Variants in CCT3 observed in about 807,000 individuals in gnomAD.
The protein encoded by CCT3 is T-complex protein 1 subunit gamma.
Under a neutral mutation model 65.3 loss-of-function variants are expected in CCT3, and 10 were observed. That is an observed-to-expected ratio of 0.15 (90% confidence interval 0.09 to 0.26). The LOEUF is 0.26. CCT3 is among the 10% of genes least tolerant of loss of function. The pLI is 1.00. For missense variants in CCT3, 626 were observed against 708.7 expected (o/e 0.88, Z 1.33); for synonymous variants, 225 against 242.3 (o/e 0.93, Z 0.66).
intron 2 of CCT3, chr1:156,335,611 C>A: frequency 2.0e-6 from 1 of 505,234 alleles, no homozygotes; most frequent in South Asian, 3.5e-5. Flanking sequence ...CAGAATAATG[C>A]ACAAGTTAAT....
chr1:156,333,396 T>C (rs1665196974), intron 5 of CCT3, 151 bp downstream of exon 5: 1 of 614,556 alleles, frequency 1.6e-6, no homozygotes, highest in South Asian at 2.0e-5. Flanking sequence ...ATATAAATGT[T>C]TTATACCCAA....
chr1:156,321,051 T>C (rs530717146), intron 6 of CCT3, 26 bp from the exon 7 acceptor site: 2 of 1,593,030 alleles, frequency 1.3e-6, no homozygotes, highest in South Asian at 2.2e-5. Flanking sequence ...CCAGACGATA[T>C]GTGAAGAAGG....
intron 5 of CCT3, among the ~76,000 whole-genome samples, chr1:156,327,867 C>A (rs1008705665): frequency 6.8e-6 from 1 of 147,512 alleles, no homozygotes. Context: ...GGCCGCCCAT[C>A]GTCTGGGATG....
chr1:156,319,998 T>G (rs1198989984), intron 7 of CCT3, among the ~76,000 whole-genome samples: 1 of 152,188 alleles, frequency 6.6e-6, no homozygotes, highest in African/African-American at 2.4e-5. Flanking sequence ...AAACCTTGTG[T>G]AGGGATAGCA....
intron 11 of CCT3, among the ~76,000 whole-genome samples, chr1:156,311,774 T>C (rs1288861806): frequency 6.6e-6 from 1 of 152,218 alleles, no homozygotes. Context: ...GAAAAAGTTC[T>C]GAAGATCTCT....
chr1:156,330,324 G>A (rs918170951), intron 5 of CCT3, among the ~76,000 whole-genome samples: 2 of 152,196 alleles, frequency 1.3e-5, no homozygotes, highest in Middle Eastern at 3.2e-3. Flanking sequence ...CTAGTTGACT[G>A]TGACTCTCAA....
At chr1:156,315,973 G>C (rs10494304) in intron 10 of CCT3, among the ~76,000 whole-genome samples, 36,618 of 151,764 alleles carry the variant, frequency 0.24, 4,920 homozygotes, top group Non-Finnish European at 0.29. Flanking sequence ...GTCTCCAGGC[G>C]AATAATAAAG....
At chr1:156,313,645 A>G (rs1201002834) in intron 10 of CCT3, among the ~76,000 whole-genome samples, 1 of 152,218 alleles carries the variant, frequency 6.6e-6, no homozygotes, top group Non-Finnish European at 1.5e-5. Context: ...GTACTTTTCC[A>G]GAAAGGGACT....
At chr1:156,334,372 G>A (rs915134518) in intron 4 of CCT3, among the ~76,000 whole-genome samples, 2 of 152,120 alleles carry the variant, frequency 1.3e-5, no homozygotes, top group Non-Finnish European at 2.9e-5. Context: ...TGGGCTCGAA[G>A]ACCAATCACC....
At chr1:156,327,522 A>T (rs1361938116) in intron 5 of CCT3, among the ~76,000 whole-genome samples, 1 of 152,164 alleles carries the variant, frequency 6.6e-6, no homozygotes, top group African/African-American at 2.4e-5. Context: ...CCAGCTCCTA[A>T]CCGCGAGTGA....
intron 7 of CCT3, among the ~76,000 whole-genome samples, chr1:156,319,867 G>A (rs1459039397): frequency 1.3e-5 from 2 of 152,112 alleles, no homozygotes; most frequent in Admixed American, 1.3e-4. Flanking sequence ...GCTTTCTGGG[G>A]CTTACTATTT....
At position 156,310,981 on chromosome 1, in the gene CCT3, G is replaced by A. The variant is rs1664062694; in HGVS notation, c.1370C>T (p.Ala457Val). The change falls in exon 12 of 14, where the codon GCC becomes GTC. Residue 457 changes from alanine to valine, a missense_variant. By Grantham distance (64) the Ala-to-Val change is moderately conservative. Transcript: ENST00000295688. ...IPRTLIQNCGASTIRLLTSLR... is the reference protein window; with the variant it reads ...IPRTLIQNCGVSTIRLLTSLR... ...GGAGGTAAGTAGACGGATGGTGCTG[G>A]CCCCACAGTTCTGGATCAGGGTACG... The A allele has an allele frequency of 7.4e-6, 12 of 1,614,174 alleles. No homozygotes were observed. The highest frequency in any genetic ancestry group is 1.6e-4 in the Middle Eastern group (1 of 6,062).
At chr1:156,326,242 C>T (rs1203505501) in intron 5 of CCT3, among the ~76,000 whole-genome samples, 8 of 151,982 alleles carry the variant, frequency 5.3e-5, no homozygotes, top group African/African-American at 1.9e-4. Context: ...GCTGGGAGGA[C>T]TCATTGAGCC....
chr1:156,325,229 A>G (rs1189022857), intron 5 of CCT3, 140 bp from the exon 6 acceptor site: 7 of 656,306 alleles, frequency 1.1e-5, no homozygotes, highest in Non-Finnish European at 1.9e-5. Context: ...TACTATTCCA[A>G]ATTCTACACA....
chr1:156,337,269 G>T, intron 1 of CCT3: 1 of 335,484 alleles, frequency 3.0e-6, no homozygotes, highest in Non-Finnish European at 5.7e-6. Flanking sequence ...TTAGCCGTGC[G>T]TGGTGGCGCG....
At position 156,319,189 on chromosome 1, in the gene CCT3, T is replaced by A. The variant is rs929928020; in HGVS notation, c.610-172A>T. ...GTGCAGTGGTGCAATCTCGGCTCAC[T>A]GCAAGCTCCGCCTCCCGGGTTCACG... On this transcript the variant is annotated intron_variant, in intron 7 of 13. Transcript: ENST00000295688. Among the ~76,000 whole-genome samples the A allele has an allele frequency of 1.5e-4, 23 of 151,068 alleles. 1 individual carries two copies. Among genetic ancestry groups the A allele is most frequent in the Admixed American group, 8.0e-4 (12 of 15,084 alleles).
chr1:156,338,272 C>G lies in CCT3; in HGVS notation c.-88G>C, dbSNP rs1665550678. 2 of 1,381,776 alleles carry G rather than the reference C, an allele frequency of 1.4e-6. No homozygotes were observed. The highest frequency in any genetic ancestry group is 2.0e-6 in the Non-Finnish European group (2 of 994,146). 85.6% of individuals were successfully genotyped at this position (1,381,776 alleles called of 1,614,324 possible). On this transcript the variant is annotated 5_prime_UTR_variant, in exon 1 of 14. Transcript: ENST00000295688. ...GAGAACCAGACAGAAGCCCAGAAAA[C>G]GCTGCCTCCTCAGGGCTTACACCTC...
In CCT3 at chr1:156,336,896, C is replaced by CT. The variant is rs151163562; in HGVS notation, c.32-1009dup. ...CTACAATCCATCAGAAAGAAGGCGG[C>CT]TTTTTTTTTTCAAAATAGCGTTTTT... On this transcript the variant is annotated intron_variant, in intron 1 of 13. Transcript: ENST00000295688. Among the ~76,000 whole-genome samples the CT allele has an allele frequency of 4.4e-3, 652 of 148,000 alleles. 2 individuals are homozygous for CT. Among genetic ancestry groups the CT allele is most frequent in the Middle Eastern group, 0.014 (4 of 290 alleles).
chr1:156,316,842 A>C (rs1156662379), intron 10 of CCT3, among the ~76,000 whole-genome samples: 1 of 152,232 alleles, frequency 6.6e-6, no homozygotes, highest in Non-Finnish European at 1.5e-5. Context: ...GGAAATGTTC[A>C]TTCAAAAATC....
Sources: allele counts gnomAD v4.1 joint callset (sites outside exome capture counted in the v4.1 genomes callset), GRCh38; gene constraint gnomAD v4.1.1; transcripts MANE v1.5; gene names NCBI Gene and HGNC (gene_info 2026-07-23, HGNC 2026-07-21).